CEP250: variants seen among roughly 807,000 people sequenced by gnomAD.
CEP250 encodes centrosomal protein 250.
Under a neutral mutation model 315.7 loss-of-function variants are expected in CEP250, and 242 were observed. The observed-to-expected ratio is 0.77, with a 90% CI of 0.69 to 0.85. The LOEUF is 0.85. Ranked by LOEUF, CEP250 falls within the 40% of genes least tolerant of loss-of-function variation. The probability of loss-of-function intolerance (pLI) is 0.00; values close to 1 mark genes in which losing one functional copy is unlikely to be tolerated. For synonymous variants in CEP250, 1,088 were observed against 1,175.0 expected (o/e 0.93, Z 1.51); for missense variants, 2,515 against 2,886.4 (o/e 0.87, Z 2.95).
rs2064146377 is a variant in CEP250, at chr20:35,505,020, G to A, written c.6636+15G>A. On this transcript the variant is annotated intron_variant, in intron 30 of 34. Transcript: ENST00000397527. ...AAAGGCTGCAGGTAAGTCACTCCATGGGGAGTAAGGGCCAGGGGACACACC... is the reference window on the plus strand; with the variant it reads ...AAAGGCTGCAGGTAAGTCACTCCATAGGGAGTAAGGGCCAGGGGACACACC... The A allele has an allele frequency of 1.3e-6, 2 of 1,578,728 alleles. No individual in the cohort carries two copies. The highest frequency in any genetic ancestry group is 1.8e-5 in the Admixed American group (1 of 56,552).
chr20:35,516,289 G>A lies in CEP250; in HGVS notation c.*4663G>A, dbSNP rs985123205. 2.0e-5 allele frequency: 3 copies of A among 152,216 alleles called. No individual in the cohort carries two copies. Among genetic ancestry groups the A allele is most frequent in the African/African-American group, 7.2e-5 (3 of 41,438 alleles). 9.4% of individuals were successfully genotyped at this position (152,216 alleles called of 1,614,324 possible). On this transcript the variant is annotated 3_prime_UTR_variant, in exon 35 of 35. Coordinates refer to ENST00000397527, the MANE Select transcript of CEP250 (RefSeq NM_007186.6). ...TTCTTAATTACTACCAGTTGTTCAG[G>A]TGAGGGAATCAGGGAAGGCCAGATT...
intron 16 of CEP250, among the ~76,000 whole-genome samples, chr20:35,477,272 A>G (rs576545573): frequency 5.3e-4 from 81 of 152,282 alleles, no homozygotes; most frequent in African/African-American, 1.8e-3. Flanking sequence ...AGCCTCCCAA[A>G]GTGCTAGGAT....
chr20:35,476,592 C>G lies in CEP250; in HGVS notation c.1860C>G (p.Leu620=). ...AAGTTGGGCTGAACCAGCAGCTTCTCCAGGTGAGCAAAGATTTTCCTGGTC... is the reference window on the plus strand; with the variant it reads ...AAGTTGGGCTGAACCAGCAGCTTCTGCAGGTGAGCAAAGATTTTCCTGGTC... ...LDKVGLNQQL[L]QLEEENQSVC... is the part of the protein sequence containing the mutation. Residue 620 remains leucine, a synonymous_variant, in exon 16 of 35, where the codon CTC becomes CTG. Coordinates refer to ENST00000397527, the MANE Select transcript of CEP250 (RefSeq NM_007186.6). 1 of 1,611,006 alleles carries G rather than the reference C, an allele frequency of 6.2e-7. No individual in the cohort carries two copies. The highest frequency in any genetic ancestry group is 1.7e-5 in the Admixed American group (1 of 59,972).
At chr20:35,463,007 A>G (rs1302759092) in intron 4 of CEP250, among the ~76,000 whole-genome samples, 1 of 152,234 alleles carries the variant, frequency 6.6e-6, no homozygotes. Flanking sequence ...GCCAAAGCCC[A>G]TGATCTTGCC....
Position 35,508,971 on chromosome 20 carries a change from G to T in CEP250, c.6935G>T (p.Arg2312Met). 6.4e-7 allele frequency: 1 copy of T among 1,556,874 alleles called. No homozygotes were observed. Among genetic ancestry groups the T allele is most frequent in the Non-Finnish European group, 8.7e-7 (1 of 1,149,562 alleles). Residue 2312 changes from arginine to methionine, a missense_variant, in exon 33 of 35, where the codon AGG becomes ATG. Coordinates refer to ENST00000397527, the MANE Select transcript of CEP250 (RefSeq NM_007186.6). ...QVERERRKLKREAMRAAQAGS... is the reference protein window; with the variant it reads ...QVERERRKLKMEAMRAAQAGS... ...GAGCGAGAACGGAGGAAGCTGAAGA[G>T]GGAGGCCATGCGTGCGGCCCAGGCA...
In CEP250 at chr20:35,466,151, C is replaced by T. The variant is rs941233169; in HGVS notation, c.439C>T (p.Arg147Trp). ...GGAAAAACTGACAGTGGACTGGAGC[C>T]GGGCCCGGGATGAGCTAATGAGGAA... ...DVEKLTVDWS[R>W]ARDELMRKES... The change falls in exon 7 of 35, where the codon CGG (arginine) becomes TGG (tryptophan). Residue 147 changes from arginine to tryptophan, a missense_variant. Coordinates refer to ENST00000397527, the MANE Select transcript of CEP250 (RefSeq NM_007186.6). 27 of 1,612,218 alleles carry T rather than the reference C, an allele frequency of 1.7e-5. No individual in the cohort carries two copies. The highest frequency in any genetic ancestry group is 5.3e-5 in the African/African-American group (4 of 74,798).
intron 14 of CEP250, among the ~76,000 whole-genome samples, chr20:35,474,539 C>T (rs2063116272): frequency 1.3e-5 from 2 of 152,056 alleles, no homozygotes; most frequent in South Asian, 4.1e-4. Context: ...GAAAAGGCGG[C>T]AGGAAGGTTC....
At chr20:35,489,371 C>T (rs2147015336) in intron 20 of CEP250, among the ~76,000 whole-genome samples, 1 of 152,304 alleles carries the variant, frequency 6.6e-6, no homozygotes, top group African/African-American at 2.4e-5. Context: ...AGGAAAAGTG[C>T]AGGGAATACT....
In CEP250 at chr20:35,501,646, C is replaced by T. The variant is rs1163123499; in HGVS notation, c.3899-199C>T. Among the ~76,000 whole-genome samples, 4 of 152,228 alleles carry T rather than the reference C, an allele frequency of 2.6e-5. No individual in the cohort carries two copies. The East Asian group carries it at 7.7e-4, about 29-fold the overall frequency. On this transcript the variant is annotated intron_variant, in intron 28 of 34. Coordinates refer to ENST00000397527, the MANE Select transcript of CEP250 (RefSeq NM_007186.6). ...GGGCTGGCAGCAGCAGGGAGTGCTG[C>T]CAGGCAAATAGAAGCAGCTGGCATC... is the stretch of plus-strand genomic sequence containing the variant.
intron 29 of CEP250, 56 bp downstream of exon 29, chr20:35,502,022 C>T: frequency 6.4e-7 from 1 of 1,569,530 alleles, no homozygotes; most frequent in Non-Finnish European, 8.6e-7. Context: ...CCCTTGGGCC[C>T]ACCTTGGCCT....
intron 14 of CEP250, 118 bp downstream of exon 14, chr20:35,474,170 TC>T: frequency 1.2e-6 from 1 of 830,770 alleles, no homozygotes; most frequent in Non-Finnish European, 1.8e-6. Flanking sequence ...TGCAGTGGGT[TC>T]AGATTAGCTT....
chr20:35,463,955 C>A (rs1297858293), intron 5 of CEP250, among the ~76,000 whole-genome samples: 2 of 152,214 alleles, frequency 1.3e-5, no homozygotes, highest in Admixed American at 6.5e-5. Context: ...TACAGCATGT[C>A]TGCAGCAAAG....
In CEP250 at chr20:35,515,981, AC is replaced by A. The variant is rs2064432126; in HGVS notation, c.*4356del. ...GCCAGTTGATCTCACCCAACTCATT[AC>A]ATCAGTAGCCTGGTCACAGGGTGGA... On this transcript the variant is annotated 3_prime_UTR_variant, in exon 35 of 35. Coordinates refer to ENST00000397527, the MANE Select transcript of CEP250 (RefSeq NM_007186.6). 1 of 152,304 alleles carries A rather than the reference AC, an allele frequency of 6.6e-6. No individual in the cohort carries two copies. Among genetic ancestry groups the A allele is most frequent in the Admixed American group, 6.5e-5 (1 of 15,288 alleles). 9.4% of individuals were successfully genotyped at this position (152,304 alleles called of 1,614,324 possible).
intron 17 of CEP250, among the ~76,000 whole-genome samples, chr20:35,478,904 C>T (rs1057429718): frequency 1.3e-5 from 2 of 152,204 alleles, no homozygotes; most frequent in African/African-American, 4.8e-5. Flanking sequence ...TGTACGGACT[C>T]TCCCTTCACA....
chr20:35,462,158 C>T (rs181271980), intron 3 of CEP250, 107 bp from the exon 4 acceptor site: 145 of 438,544 alleles, frequency 3.3e-4, no homozygotes, highest in Non-Finnish European at 4.4e-4. Context: ...CTCATCATAG[C>T]GCCCTTCAGA....
Position 35,501,971 on chromosome 20 carries a change from A to G in CEP250, c.4020+5A>G, listed in dbSNP as rs764674519. 6.2e-7 allele frequency: 1 copy of G among 1,610,954 alleles called. No individual in the cohort carries two copies. The highest frequency in any genetic ancestry group is 8.5e-7 in the Non-Finnish European group (1 of 1,179,804). On this transcript the variant is annotated splice_donor_5th_base_variant and intron_variant, in intron 29 of 34. Transcript: ENST00000397527. ...CTACAGCGAATGGAAGCCCAGGTAA[A>G]GTGGTACTGGTTTCAGGGAGGGGTT...
chr20:35,489,587 T>A (rs368259181), intron 20 of CEP250, among the ~76,000 whole-genome samples: 13 of 152,334 alleles, frequency 8.5e-5, no homozygotes, highest in African/African-American at 2.9e-4. Flanking sequence ...TTAAAGATTC[T>A]CCACCCAGGC....
chr20:35,491,130 G>A (rs1482922384), intron 21 of CEP250, 82 bp from the exon 22 acceptor site: 1 of 1,522,996 alleles, frequency 6.6e-7, no homozygotes, highest in Non-Finnish European at 8.9e-7. Context: ...GAGCCCTAGG[G>A]CAGCTGGGAT....
Position 35,479,667 on chromosome 20 carries a change from G to A in CEP250, c.2310G>A (p.Glu770=), listed in dbSNP as rs1310159886. ...ACAGCTCAGCCAAGGAGCTACTGGAGAGCAGTCTGTTTGAAGCCCAACAAC... is the reference window on the plus strand; with the variant it reads ...ACAGCTCAGCCAAGGAGCTACTGGAAAGCAGTCTGTTTGAAGCCCAACAAC... ...QGLSSAKELL[E]SSLFEAQQQN... Residue 770 remains glutamate (E), a synonymous_variant, in exon 19 of 35, where the codon GAG becomes GAA. Coordinates refer to ENST00000397527, the MANE Select transcript of CEP250 (RefSeq NM_007186.6). The A allele has an allele frequency of 5.0e-6, 8 of 1,614,208 alleles. No individual in the cohort carries two copies. Among genetic ancestry groups the A allele is most frequent in the Non-Finnish European group, 6.8e-6 (8 of 1,180,038 alleles).
Sources: gnomAD v4.1 joint callset for allele counts (sites outside exome capture counted in the v4.1 genomes callset) on GRCh38, gnomAD v4.1.1 for gene constraint, MANE v1.5 for transcripts, NCBI Gene and HGNC (gene_info 2026-07-23, HGNC 2026-07-21) for gene names.